The following CLTCL1 variants were observed in gnomAD, a reference collection of about 807,000 sequenced individuals.
The protein encoded by CLTCL1 is clathrin heavy chain 2.
CLTCL1 carries 159 observed loss-of-function variants against 190.0 expected under a neutral mutation model. The observed-to-expected ratio is 0.84, with a 90% CI of 0.74 to 0.95. The LOEUF is 0.95. Among genes scored for constraint, CLTCL1 ranks in the 40% least tolerant of loss-of-function variants. The pLI is 0.00. For synonymous variants in CLTCL1, 752 were observed against 769.6 expected (o/e 0.98, Z 0.38); for missense variants, 1,878 against 2,033.4 (o/e 0.92, Z 1.47).
intron 3 of CLTCL1, among the ~76,000 whole-genome samples, chr22:19,251,228 T>A (rs1465205880): frequency 7.3e-5 from 11 of 151,034 alleles, no homozygotes; most frequent in Non-Finnish European, 5.9e-5. Context: ...TTCTTTTTGA[T>A]GTTATTATTA....
intron 2 of CLTCL1, among the ~76,000 whole-genome samples, chr22:19,257,200 C>G (rs1295865212): frequency 6.6e-6 from 1 of 152,108 alleles, no homozygotes; most frequent in East Asian, 1.9e-4. Flanking sequence ...AACCTCATTA[C>G]AAAGTTAAAG....
intron 27 of CLTCL1, 89 bp downstream of exon 27, chr22:19,191,214 CA>C: frequency 6.5e-7 from 1 of 1,527,228 alleles, no homozygotes; most frequent in Non-Finnish European, 8.9e-7. Flanking sequence ...GGGGTCATTT[CA>C]AAAACTCTTT....
chr22:19,183,923 TG>T, intron 29 of CLTCL1: 1 of 419,750 alleles, frequency 2.4e-6, no homozygotes, highest in Non-Finnish European at 4.4e-6. Flanking sequence ...GATGGGAGTT[TG>T]GGGGTTGTGG....
chr22:19,199,883 C>A, intron 23 of CLTCL1, 42 bp from the exon 24 acceptor site: 1 of 1,304,354 alleles, frequency 7.7e-7, no homozygotes, highest in South Asian at 1.3e-5. Flanking sequence ...CAAGACAGGA[C>A]ACAGCACCAC....
At chr22:19,187,495 C>A in intron 29 of CLTCL1, 63 bp downstream of exon 29, 1 of 1,552,626 alleles carries the variant, frequency 6.4e-7, no homozygotes. Flanking sequence ...GATGTGACCC[C>A]CAAAGCCATC....
chr22:19,223,845 C>T (rs1385273797), intron 14 of CLTCL1, 46 bp downstream of exon 14: 1 of 1,608,480 alleles, frequency 6.2e-7, no homozygotes, highest in Non-Finnish European at 8.5e-7. Context: ...GCCCCACCTG[C>T]CATCAGCAAG....
At chr22:19,278,811 G>A (rs113006637) in intron 1 of CLTCL1, among the ~76,000 whole-genome samples, 56 of 152,260 alleles carry the variant, frequency 3.7e-4, no homozygotes, top group East Asian at 3.7e-3. Flanking sequence ...GCGTGATCTC[G>A]GCTCACTGCA....
intron 9 of CLTCL1, 107 bp from the exon 10 acceptor site, chr22:19,232,705 C>A: frequency 7.2e-7 from 1 of 1,397,452 alleles, no homozygotes; most frequent in Non-Finnish European, 9.6e-7. Context: ...AAGAAATGAG[C>A]AGCAACATTA....
chr22:19,278,025 T>G (rs1437339704), intron 1 of CLTCL1, among the ~76,000 whole-genome samples: 1 of 152,076 alleles, frequency 6.6e-6, no homozygotes, highest in Non-Finnish European at 1.5e-5. Context: ...TTACAAGGGA[T>G]ATTACAAAGG....
intron 5 of CLTCL1, among the ~76,000 whole-genome samples, chr22:19,236,646 A>T (rs190955146): frequency 6.6e-6 from 1 of 152,314 alleles, no homozygotes; most frequent in East Asian, 1.9e-4. Context: ...AATGAATCAT[A>T]TATGAGAATT....
chr22:19,267,085 C>A (rs1555978250), intron 2 of CLTCL1, among the ~76,000 whole-genome samples: 2 of 151,896 alleles, frequency 1.3e-5, no homozygotes, highest in African/African-American at 4.8e-5. Flanking sequence ...GTAGAAAATG[C>A]CAAGGAATCC....
intron 3 of CLTCL1, among the ~76,000 whole-genome samples, chr22:19,249,289 G>A (rs1555969041): frequency 1.3e-5 from 2 of 152,076 alleles, no homozygotes; most frequent in East Asian, 1.9e-4. Context: ...AACCCGGGAG[G>A]TGGAGGTTGC....
rs1555960040 is a variant in CLTCL1, at chr22:19,233,313, C to G, written c.1374G>C (p.Glu458Asp). 6.2e-7 allele frequency: 1 copy of G among 1,612,406 alleles called. No homozygotes were observed. The highest frequency in any genetic ancestry group is 2.2e-5 in the East Asian group (1 of 44,844). ...LEKWLKEDKL[E>D]CSEELGDLVK... ...CCAAGTCTCCGAGCTCCTCTGAGCA[C>G]TCCAGCTGTGGTATGCCAAGGGACA... Residue 458 changes from glutamate to aspartate, a missense_variant, in exon 9 of 33, where the codon GAG becomes GAC. Glu to Asp is a conservative substitution (Grantham distance 45). Coordinates refer to ENST00000427926, the MANE Select transcript of CLTCL1 (RefSeq NM_007098.4).
rs1555994108 is a variant in CLTCL1, at chr22:19,291,658, C to T, written c.-17G>A. On this transcript the variant is annotated 5_prime_UTR_variant, in exon 1 of 33. Coordinates refer to ENST00000427926, the MANE Select transcript of CLTCL1 (RefSeq NM_007098.4). The stretch of plus-strand genomic sequence containing the variant: ...CTGCGCCATGGCTGGTGCGGGACCT[C>T]GGCGGCGGCGGCGGCAGCGGCAGGA... 4.5e-6 allele frequency: 6 copies of T among 1,334,266 alleles called. No individual in the cohort carries two copies. The East Asian group carries it at 1.9e-4, about 43-fold the overall frequency. 82.7% of individuals were successfully genotyped at this position (1,334,266 alleles called of 1,614,324 possible). A position where few individuals can be genotyped will look rare whatever the true frequency, so the allele number is the denominator to read the frequency against.
chr22:19,246,326 C>T (rs2086417726), intron 3 of CLTCL1, among the ~76,000 whole-genome samples: 1 of 152,106 alleles, frequency 6.6e-6, no homozygotes, highest in African/African-American at 2.4e-5. Flanking sequence ...TCCCAAAGTG[C>T]TGGGATTACA....
intron 4 of CLTCL1, 66 bp downstream of exon 4, chr22:19,242,709 C>T (rs2086293793): frequency 1.3e-6 from 2 of 1,572,620 alleles, no homozygotes; most frequent in Non-Finnish European, 1.7e-6. Context: ...CAGCCACACA[C>T]ACGCACACCC....
chr22:19,210,071 G>A (rs2085170081), intron 20 of CLTCL1, among the ~76,000 whole-genome samples: 1 of 152,176 alleles, frequency 6.6e-6, no homozygotes, highest in Non-Finnish European at 1.5e-5. Context: ...AGGTACCCAA[G>A]TCCAAGGGAG....
At chr22:19,247,781 G>A (rs1480789320) in intron 3 of CLTCL1, among the ~76,000 whole-genome samples, 5 of 151,882 alleles carry the variant, frequency 3.3e-5, no homozygotes, top group African/African-American at 9.7e-5. Flanking sequence ...GGCTGGTCTC[G>A]AACTCCTGAC....
chr22:19,216,532 T>C (rs1555949595), intron 18 of CLTCL1, among the ~76,000 whole-genome samples: 1 of 152,244 alleles, frequency 6.6e-6, no homozygotes, highest in Admixed American at 6.5e-5. Context: ...GAAATGAATG[T>C]CTCCTTTTAG....
Sources: gnomAD v4.1 joint callset for allele counts (sites outside exome capture counted in the v4.1 genomes callset) on GRCh38, gnomAD v4.1.1 for gene constraint, MANE v1.5 for transcripts, NCBI Gene and HGNC (gene_info 2026-07-23, HGNC 2026-07-21) for gene names.